Variants in ADGRB3 observed in about 807,000 individuals in gnomAD.
ADGRB3 encodes the protein brain-specific angiogenesis inhibitor 3.
ADGRB3 carries 37 observed loss-of-function variants against 193.4 expected under a neutral mutation model. That is an observed-to-expected ratio of 0.19 (90% CI 0.15 to 0.25). The LOEUF is 0.25. Among genes scored for constraint, ADGRB3 ranks in the 10% least tolerant of loss-of-function variants. ADGRB3 has a pLI of 1.00. For missense variants in ADGRB3, 1,637 were observed against 1,852.9 expected, an observed-to-expected ratio of 0.88 and a Z score of 2.14; for synonymous variants, 690 against 644.2, an observed-to-expected ratio of 1.07 and a Z score of -1.08.
chr6:69,299,035 C>G (rs187889002), intron 20 of ADGRB3, among the ~76,000 whole-genome samples: 1 of 152,046 alleles, frequency 6.6e-6, no homozygotes, highest in Non-Finnish European at 1.5e-5. Context: ...ACATCCTCAC[C>G]AGCATTCATT....
At chr6:69,176,412 A>T (rs551158105) in intron 17 of ADGRB3, among the ~76,000 whole-genome samples, 1 of 152,180 alleles carries the variant, frequency 6.6e-6, no homozygotes, top group East Asian at 1.9e-4. Flanking sequence ...TCTTGTTTTT[A>T]ATTATGTTTA....
chr6:68,646,672 T>A (rs1251935691), intron 3 of ADGRB3, among the ~76,000 whole-genome samples: 3 of 152,134 alleles, frequency 2.0e-5, no homozygotes, highest in Non-Finnish European at 2.9e-5. Flanking sequence ...TTATTTTATT[T>A]TTTGTTTTGT....
In ADGRB3 at chr6:69,022,259, G is replaced by T. The variant is rs867899385; in HGVS notation, c.2107+3760G>T. On this transcript the variant is annotated intron_variant, in intron 13 of 31. Transcript: ENST00000370598. ...TTGAAATGTTTTAACTATCTGCATAGGTAAGTGGTTTTTGTTTTAGGAAAA... is the reference window on the plus strand; with the variant it reads ...TTGAAATGTTTTAACTATCTGCATATGTAAGTGGTTTTTGTTTTAGGAAAA... 2.6e-4 allele frequency among the ~76,000 whole-genome samples: 39 copies of T among 151,748 alleles called. No homozygotes were observed. In the Middle Eastern group the frequency reaches 0.01, roughly 40 times the overall value.
At chr6:68,709,865 AT>A (rs572133432) in intron 3 of ADGRB3, among the ~76,000 whole-genome samples, 17 of 152,314 alleles carry the variant, frequency 1.1e-4, no homozygotes, top group Non-Finnish European at 1.3e-4. Flanking sequence ...TGGTGAAATA[AT>A]TACGTGCTTC....
At chr6:68,792,793 T>C (rs991974437) in intron 3 of ADGRB3, among the ~76,000 whole-genome samples, 1 of 152,270 alleles carries the variant, frequency 6.6e-6, no homozygotes, top group Admixed American at 6.5e-5. Flanking sequence ...GTAAACAGCC[T>C]TCCCGCCGAT....
intron 3 of ADGRB3, among the ~76,000 whole-genome samples, chr6:68,655,182 G>T (rs1158641317): frequency 6.6e-6 from 1 of 151,138 alleles, no homozygotes; most frequent in African/African-American, 2.4e-5. Context: ...AAAGATTGTT[G>T]TAAGAGACAA....
chr6:68,883,777 A>C (rs1448938454), intron 3 of ADGRB3, among the ~76,000 whole-genome samples: 1 of 152,194 alleles, frequency 6.6e-6, no homozygotes, highest in African/African-American at 2.4e-5. Flanking sequence ...TAGAACTGTA[A>C]CACTCACCGC....
At chr6:69,014,677 T>A (rs1312230895) in intron 12 of ADGRB3, among the ~76,000 whole-genome samples, 1 of 152,024 alleles carries the variant, frequency 6.6e-6, no homozygotes, top group Non-Finnish European at 1.5e-5. Context: ...TCCTAACTGA[T>A]AAGACAGTGA....
intron 17 of ADGRB3, among the ~76,000 whole-genome samples, chr6:69,178,570 T>A (rs1775495176): frequency 6.6e-6 from 1 of 152,174 alleles, no homozygotes; most frequent in African/African-American, 2.4e-5. Context: ...TTAAATGTAT[T>A]TTTGTGGTAG....
intron 11 of ADGRB3, among the ~76,000 whole-genome samples, chr6:69,007,891 A>T (rs533503218): frequency 6.6e-6 from 1 of 152,254 alleles, no homozygotes; most frequent in East Asian, 1.9e-4. Context: ...ACATCAAGGC[A>T]CTGGTGGCAG....
At chr6:68,827,171 T>C (rs946771338) in intron 3 of ADGRB3, among the ~76,000 whole-genome samples, 1 of 152,086 alleles carries the variant, frequency 6.6e-6, no homozygotes. Flanking sequence ...GAAAGGCAGA[T>C]TGATATTGAA....
chr6:68,903,824 T>C (rs893402749), intron 3 of ADGRB3, among the ~76,000 whole-genome samples: 11 of 150,404 alleles, frequency 7.3e-5, no homozygotes, highest in African/African-American at 2.4e-4. Flanking sequence ...CTGGGCAACA[T>C]AGTGACACCC....
intron 10 of ADGRB3, among the ~76,000 whole-genome samples, chr6:68,981,366 A>G (rs1377969662): frequency 6.6e-6 from 1 of 151,666 alleles, no homozygotes; most frequent in East Asian, 1.9e-4. Flanking sequence ...AATAGCTCAT[A>G]TTTATTGAAG....
At chr6:69,038,142 T>G (rs1770928754) in intron 13 of ADGRB3, among the ~76,000 whole-genome samples, 1 of 152,298 alleles carries the variant, frequency 6.6e-6, no homozygotes, top group Non-Finnish European at 1.5e-5. Flanking sequence ...CTTTGTTAAG[T>G]TATAACAGTT....
intron 3 of ADGRB3, among the ~76,000 whole-genome samples, chr6:68,903,329 A>T (rs1303190876): frequency 6.6e-6 from 1 of 152,192 alleles, no homozygotes; most frequent in African/African-American, 2.4e-5. Context: ...GACCTATTTT[A>T]AATAAAATAC....
At chr6:69,052,689 T>TCTTCTC (rs1393907475) in intron 15 of ADGRB3, among the ~76,000 whole-genome samples, 1 of 152,230 alleles carries the variant, frequency 6.6e-6, no homozygotes, top group South Asian at 2.1e-4. Context: ...ATATTTCTCT[T>TCTTCTC]CTTCTCTTAG....
intron 29 of ADGRB3, among the ~76,000 whole-genome samples, chr6:69,364,949 T>C (rs894939128): frequency 1.3e-5 from 2 of 152,088 alleles, no homozygotes; most frequent in Admixed American, 1.3e-4. Flanking sequence ...ATTTAAACCT[T>C]GGATTGTTCT....
intron 23 of ADGRB3, among the ~76,000 whole-genome samples, chr6:69,330,827 T>G (rs1554197700): frequency 6.6e-6 from 1 of 152,192 alleles, no homozygotes; most frequent in Non-Finnish European, 1.5e-5. Context: ...GTGAAAAAGT[T>G]TGAGTAAGTT....
chr6:68,811,931 C>A (rs1250211095), intron 3 of ADGRB3, among the ~76,000 whole-genome samples: 1 of 152,034 alleles, frequency 6.6e-6, no homozygotes, highest in Non-Finnish European at 1.5e-5. Flanking sequence ...TGTGATCAAA[C>A]CAGAAAATAC....
Sources: gnomAD v4.1 joint callset for allele counts (sites outside exome capture counted in the v4.1 genomes callset) on GRCh38, gnomAD v4.1.1 for gene constraint, MANE v1.5 for transcripts, NCBI Gene and HGNC (gene_info 2026-07-23, HGNC 2026-07-21) for gene names.